Variants in LAMA2 observed in about 807,000 individuals in gnomAD.
The protein encoded by LAMA2 is laminin subunit alpha-2.
A neutral mutation model predicts 364.8 loss-of-function variants in LAMA2; 269 were observed. That is an observed-to-expected ratio of 0.74 (90% CI 0.67 to 0.82). The LOEUF is 0.82. Among genes scored for constraint, LAMA2 ranks in the 40% least tolerant of loss-of-function variants. The pLI is 0.00. For missense variants in LAMA2, 3,807 were observed against 3,873.2 expected (o/e 0.98, Z 0.45); for synonymous variants, 1,379 against 1,370.6 (o/e 1.01, Z -0.14).
intron 61 of LAMA2, among the ~76,000 whole-genome samples, chr6:129,505,912 C>G (rs1308020596): frequency 6.6e-6 from 1 of 152,108 alleles, no homozygotes; most frequent in Non-Finnish European, 1.5e-5. Context: ...GCCAAACTGT[C>G]TTGGTTTGAA....
chr6:129,166,618 T>C (rs1185175301), intron 9 of LAMA2, among the ~76,000 whole-genome samples: 1 of 152,186 alleles, frequency 6.6e-6, no homozygotes, highest in Non-Finnish European at 1.5e-5. Flanking sequence ...TCTTTGTGTT[T>C]ACAAGTAAAT....
intron 1 of LAMA2, 84 bp downstream of exon 1, chr6:128,883,441 C>T (rs1229584367): frequency 1.3e-6 from 2 of 1,538,956 alleles, no homozygotes; most frequent in Non-Finnish European, 1.7e-6. Flanking sequence ...GAGTTGCTGT[C>T]TGTGGACTGC....
intron 55 of LAMA2, among the ~76,000 whole-genome samples, chr6:129,483,814 G>A (rs1343996193): frequency 6.6e-6 from 1 of 152,068 alleles, no homozygotes; most frequent in Non-Finnish European, 1.5e-5. Context: ...CACAAGCATA[G>A]ATGGAAACAG....
intron 10 of LAMA2, among the ~76,000 whole-genome samples, chr6:129,184,296 A>T (rs769911870): frequency 1.3e-5 from 2 of 151,972 alleles, no homozygotes; most frequent in Non-Finnish European, 2.9e-5. Context: ...TTAATCCTGA[A>T]TCTAAATTAC....
intron 12 of LAMA2, among the ~76,000 whole-genome samples, chr6:129,195,120 G>GA (rs1781761054): frequency 6.6e-6 from 1 of 152,108 alleles, no homozygotes; most frequent in African/African-American, 2.4e-5. Context: ...TTCCTAATTG[G>GA]AAAAAATTAT....
At chr6:129,414,897 C>G (rs968369022) in intron 40 of LAMA2, among the ~76,000 whole-genome samples, 2 of 152,156 alleles carry the variant, frequency 1.3e-5, no homozygotes, top group Non-Finnish European at 1.5e-5. Flanking sequence ...ATTATTGTGC[C>G]ATCACGTATT....
chr6:129,037,863 G>T (rs1786772422), intron 1 of LAMA2, among the ~76,000 whole-genome samples: 1 of 151,936 alleles, frequency 6.6e-6, no homozygotes, highest in Admixed American at 6.6e-5. Flanking sequence ...TAGAGACAGG[G>T]TTTCACCGTG....
intron 18 of LAMA2, among the ~76,000 whole-genome samples, chr6:129,282,871 G>T (rs1305562495): frequency 1.3e-5 from 2 of 152,224 alleles, no homozygotes; most frequent in East Asian, 3.9e-4. Context: ...AGAGCTCGGG[G>T]TCTGGCAGAT....
chr6:128,917,268 C>A (rs1007668799), intron 1 of LAMA2, among the ~76,000 whole-genome samples: 1 of 151,796 alleles, frequency 6.6e-6, no homozygotes, highest in Non-Finnish European at 1.5e-5. Flanking sequence ...AGAGAGCTTG[C>A]CCATCAATCC....
chr6:129,160,975 G>A lies in LAMA2; in HGVS notation c.1207-4601G>A, dbSNP rs1316518463. On this transcript the variant is annotated intron_variant, in intron 8 of 64. Coordinates refer to ENST00000421865, the MANE Select transcript of LAMA2 (RefSeq NM_000426.4). ...GGTCTCTCTTGGCAAACAAATAAATGTGGATTTTTCCAATCTGCGATTATG... is the reference window on the plus strand; with the variant it reads ...GGTCTCTCTTGGCAAACAAATAAATATGGATTTTTCCAATCTGCGATTATG... 4.6e-5 allele frequency among the ~76,000 whole-genome samples: 7 copies of A among 152,104 alleles called. No homozygotes were observed. The East Asian group carries it at 1.3e-3, about 29-fold the overall frequency.
At chr6:129,027,538 A>G (rs1251084532) in intron 1 of LAMA2, among the ~76,000 whole-genome samples, 1 of 152,030 alleles carries the variant, frequency 6.6e-6, no homozygotes, top group Non-Finnish European at 1.5e-5. Flanking sequence ...TTCTAATGTT[A>G]TGATTACATC....
At chr6:129,355,026 G>T (rs908179682) in intron 32 of LAMA2, among the ~76,000 whole-genome samples, 1 of 152,084 alleles carries the variant, frequency 6.6e-6, no homozygotes, top group Non-Finnish European at 1.5e-5. Context: ...ATTTACAGGG[G>T]TTATACATGG....
chr6:129,140,836 A>G (rs1056579001), intron 4 of LAMA2, among the ~76,000 whole-genome samples: 4 of 152,110 alleles, frequency 2.6e-5, no homozygotes, highest in African/African-American at 9.7e-5. Context: ...GGGACTAACT[A>G]TATTCACAAG....
intron 35 of LAMA2, among the ~76,000 whole-genome samples, chr6:129,387,725 A>G (rs942074886): frequency 6.6e-6 from 1 of 152,248 alleles, no homozygotes; most frequent in African/African-American, 2.4e-5. Context: ...CAGCCATAAA[A>G]AAGAATGATA....
chr6:129,492,198 C>A (rs1323702316), intron 57 of LAMA2, 117 bp from the exon 58 acceptor site: 9 of 1,416,906 alleles, frequency 6.4e-6, no homozygotes, highest in Non-Finnish European at 9.0e-6. Context: ...TGAGGATCTT[C>A]AACTTAGACT....
chr6:129,340,625 C>T (rs1443624307), intron 29 of LAMA2, among the ~76,000 whole-genome samples: 1 of 151,828 alleles, frequency 6.6e-6, no homozygotes. Flanking sequence ...CACCTGAGGT[C>T]AGGAGTTCAA....
At chr6:129,512,735 A>G (rs1035619822) in intron 63 of LAMA2, among the ~76,000 whole-genome samples, 5 of 152,204 alleles carry the variant, frequency 3.3e-5, no homozygotes, top group Admixed American at 2.0e-4. Context: ...GTTGACTAAT[A>G]ATGAACCAAA....
intron 58 of LAMA2, among the ~76,000 whole-genome samples, chr6:129,492,798 T>C (rs979257117): frequency 1.3e-5 from 2 of 152,170 alleles, no homozygotes; most frequent in African/African-American, 4.8e-5. Context: ...ATCTGCATAG[T>C]AGATGTCCTA....
At chr6:128,957,175 T>G (rs980276841) in intron 1 of LAMA2, among the ~76,000 whole-genome samples, 5 of 152,140 alleles carry the variant, frequency 3.3e-5, no homozygotes, top group African/African-American at 1.2e-4. Flanking sequence ...ATTATGAGTA[T>G]TTATGATGTG....
Sources: gnomAD v4.1 joint callset for allele counts (sites outside exome capture counted in the v4.1 genomes callset) on GRCh38, gnomAD v4.1.1 for gene constraint, MANE v1.5 for transcripts, NCBI Gene and HGNC (gene_info 2026-07-23, HGNC 2026-07-21) for gene names.